AJM1: variants seen among roughly 807,000 people sequenced by gnomAD.
AJM1 encodes the protein apical junction component 1 homolog.
Under a neutral mutation model 43.0 loss-of-function variants are expected in AJM1, and 22 were observed. The observed-to-expected ratio is 0.51, with a 90% CI of 0.37 to 0.73. The LOEUF (loss-of-function observed/expected upper bound fraction) is 0.73. Among genes scored for constraint, AJM1 ranks in the 30% least tolerant of loss-of-function variants. The probability of loss-of-function intolerance (pLI) is 0.00; values close to 1 mark genes in which losing one functional copy is unlikely to be tolerated. For synonymous variants in AJM1, 719 were observed against 638.3 expected (o/e 1.13, Z -1.91); for missense variants, 1,305 against 1,343.3 (o/e 0.97, Z 0.45).
rs111789430 is a variant in AJM1 at position 136,847,785 on chromosome 9, G to T, written c.*440G>T. 5.9e-3 allele frequency: 971 copies of T among 163,394 alleles called. 11 individuals are homozygous for T. The highest frequency in any genetic ancestry group is 0.022 in the African/African-American group (920 of 42,084). The allele number at this position is 163,394 out of a possible 1,614,324, so 10.1% of individuals were successfully genotyped here. On this transcript the variant is annotated 3_prime_UTR_variant, in exon 3 of 3. Transcript: ENST00000436881. ...CCCCACCCGTAGAGATCCGGTCCCCGTCGGTCCGCGGGGCTCTCGCTGGAG... is the reference window on the plus strand; with the variant it reads ...CCCCACCCGTAGAGATCCGGTCCCCTTCGGTCCGCGGGGCTCTCGCTGGAG...
Position 136,847,343 on chromosome 9 carries a change from T to C in AJM1, c.2929T>C (p.Ter977ArgextTer46). 6.6e-7 allele frequency: 1 copy of C among 1,511,824 alleles called. No individual in the cohort carries two copies. The highest frequency in any genetic ancestry group is 1.2e-5 in the South Asian group (1 of 81,698). 93.7% of individuals were successfully genotyped at this position (1,511,824 alleles called of 1,614,324 possible). A position where few individuals can be genotyped will look rare whatever the true frequency, so the allele number is the denominator to read the frequency against. ...ASANLLDDIM[*>R] ...CGCCAACCTGCTGGACGACATCATGTGAGGCGCCGGGCCCACCAGGCCTAG... is the reference window on the plus strand; with the variant it reads ...CGCCAACCTGCTGGACGACATCATGCGAGGCGCCGGGCCCACCAGGCCTAG... The change falls in exon 3 of 3, where the codon TGA becomes CGA. Residue 977 changes from the stop codon to arginine, a stop_lost. Coordinates refer to ENST00000436881, the MANE Select transcript of AJM1 (RefSeq NM_001080482.5).
At chr9:136,843,272 C>T (rs1366891408) in intron 1 of AJM1, among the ~76,000 whole-genome samples, 1 of 152,232 alleles carries the variant, frequency 6.6e-6, no homozygotes, top group Admixed American at 6.5e-5. Flanking sequence ...CACTCTCTGA[C>T]GCACCCCCCA....
At position 136,846,438 on chromosome 9, in the gene AJM1, C is replaced by T; in HGVS notation, c.2024C>T (p.Thr675Ile). The change falls in exon 3 of 3, where the codon ACC (threonine) becomes ATC (isoleucine). Residue 675 changes from threonine to isoleucine, a missense_variant. Transcript: ENST00000436881. ...AATGCGCGCTGCCGGCGCACCGAGACCATGTTCAACGCCTGCCTCTACTTC... is the reference window on the plus strand; with the variant it reads ...AATGCGCGCTGCCGGCGCACCGAGATCATGTTCAACGCCTGCCTCTACTTC... ...CSNARCRRTE[T>I]MFNACLYFKS... 6.3e-7 allele frequency: 1 copy of T among 1,593,260 alleles called. No individual in the cohort carries two copies.
Position 136,845,086 on chromosome 9 carries a change from C to T in AJM1, c.672C>T (p.Gly224=). Residue 224 remains glycine, a synonymous_variant, in exon 3 of 3, where the codon GGC becomes GGT. Coordinates refer to ENST00000436881, the MANE Select transcript of AJM1 (RefSeq NM_001080482.5). The part of the protein sequence containing the change: ...HWARPAPQFH[G]LTVPGPRHMA... ...CCCGCCCCGCCCCGCAGTTCCACGG[C>T]CTCACGGTGCCCGGGCCCCGCCACA... 1 of 1,273,482 alleles carries T rather than the reference C, an allele frequency of 7.9e-7. No homozygotes were observed. Among genetic ancestry groups the T allele is most frequent in the African/African-American group, 1.5e-5 (1 of 68,638 alleles). 78.9% of individuals were successfully genotyped at this position (1,273,482 alleles called of 1,614,324 possible).
chr9:136,842,740 C>A (rs1848719753), intron 1 of AJM1, among the ~76,000 whole-genome samples, 151 bp downstream of exon 1: 1 of 152,150 alleles, frequency 6.6e-6, no homozygotes. Context: ...CAAGGCAAGG[C>A]AAGGCAGGGC....
chr9:136,846,436 G>A lies in AJM1; in HGVS notation c.2022G>A (p.Glu674=). The A allele has an allele frequency of 6.3e-7, 1 of 1,593,416 alleles. No homozygotes were observed. Among genetic ancestry groups the A allele is most frequent in the Non-Finnish European group, 8.5e-7 (1 of 1,178,150 alleles). The part of the protein sequence containing the change: ...TCSNARCRRT[E]TMFNACLYFK... Reference sequence around the variant, plus strand: ...CCAATGCGCGCTGCCGGCGCACCGAGACCATGTTCAACGCCTGCCTCTACT... The same window carrying A: ...CCAATGCGCGCTGCCGGCGCACCGAAACCATGTTCAACGCCTGCCTCTACT... The change falls in exon 3 of 3, where the codon GAG becomes GAA. Residue 674 remains glutamate, a synonymous_variant. Transcript: ENST00000436881.
Position 136,847,088 on chromosome 9 carries a change from C to A in AJM1, c.2674C>A (p.Arg892=). The change falls in exon 3 of 3, where the codon CGG becomes AGG. Residue 892 remains arginine, a synonymous_variant. Transcript: ENST00000436881. ...AGLDQDGEAG[R]RAREVAFIHI... Reference sequence around the variant, plus strand: ...CCTGGATCAGGACGGCGAGGCGGGCCGGCGCGCGCGCGAGGTGGCCTTCAT... The same window carrying A: ...CCTGGATCAGGACGGCGAGGCGGGCAGGCGCGCGCGCGAGGTGGCCTTCAT... 3.4e-6 allele frequency: 5 copies of A among 1,486,496 alleles called. No homozygotes were observed. The highest frequency in any genetic ancestry group is 4.5e-6 in the Non-Finnish European group (5 of 1,111,430). 92.1% of individuals were successfully genotyped at this position (1,486,496 alleles called of 1,614,324 possible). A position where few individuals can be genotyped will look rare whatever the true frequency, so the allele number is the denominator to read the frequency against.
chr9:136,847,061 G>A lies in AJM1; in HGVS notation c.2647G>A (p.Gly883Ser). 1 of 1,414,418 alleles carries A rather than the reference G, an allele frequency of 7.1e-7. No homozygotes were observed. Among genetic ancestry groups the A allele is most frequent in the Non-Finnish European group, 9.5e-7 (1 of 1,058,022 alleles). The allele number at this position is 1,414,418 out of a possible 1,614,324, so 87.6% of individuals were successfully genotyped here. The change falls in exon 3 of 3, where the codon GGC (glycine) becomes AGC (serine). Residue 883 changes from glycine to serine, a missense_variant. By Grantham distance (56) the Gly-to-Ser change is moderately conservative. This residue lies in a region of AJM1 where 391 missense variants were observed against 507.5 expected (regional missense o/e 0.77). Coordinates refer to ENST00000436881, the MANE Select transcript of AJM1 (RefSeq NM_001080482.5). ...CCTGACGCCACCGCCGGGCACGGCGGGCCTGGATCAGGACGGCGAGGCGGG... is the reference window on the plus strand; with the variant it reads ...CCTGACGCCACCGCCGGGCACGGCGAGCCTGGATCAGGACGGCGAGGCGGG... ...LILTPPPGTA[G>S]LDQDGEAGRR...
At position 136,846,822 on chromosome 9, in the gene AJM1, G is replaced by C; in HGVS notation, c.2408G>C (p.Gly803Ala). The part of the protein sequence containing the change: ...GSYARELAAA[G>A]RLYEPAECFL... Reference sequence around the variant, plus strand: ...TACGCGCGCGAGCTGGCGGCCGCTGGGCGCCTCTACGAACCGGCAGAGTGC... The same window carrying C: ...TACGCGCGCGAGCTGGCGGCCGCTGCGCGCCTCTACGAACCGGCAGAGTGC... Residue 803 changes from glycine (G) to alanine (A), a missense_variant, in exon 3 of 3, where the codon GGG (glycine) becomes GCG (alanine). This residue lies in a region of AJM1 where 391 missense variants were observed against 507.5 expected (regional missense o/e 0.77). Coordinates refer to ENST00000436881, the MANE Select transcript of AJM1 (RefSeq NM_001080482.5). The C allele has an allele frequency of 6.3e-7, 1 of 1,590,184 alleles. No individual in the cohort carries two copies. The highest frequency in any genetic ancestry group is 2.3e-5 in the East Asian group (1 of 44,154).
chr9:136,847,531 A>G lies in AJM1; in HGVS notation c.*186A>G. The stretch of plus-strand genomic sequence containing the variant: ...CTCAGTTCGGCCTCCAGCTCCGCCC[A>G]GGCCCCCACCCCCCGGCCCTTCGTC... On this transcript the variant is annotated 3_prime_UTR_variant, in exon 3 of 3. Transcript: ENST00000436881. The G allele has an allele frequency of 2.0e-6, 1 of 488,884 alleles. No individual in the cohort carries two copies. The highest frequency in any genetic ancestry group is 3.4e-6 in the Non-Finnish European group (1 of 290,264). The allele number at this position is 488,884 out of a possible 1,614,324, so 30.3% of individuals were successfully genotyped here.
chr9:136,844,263 C>T lies in AJM1; in HGVS notation c.-76C>T, dbSNP rs551948808. Reference sequence around the variant, plus strand: ...CCCAGGCCCGCAGCCAGGGCTGCTCCGCCCGCTGCGCCCCAGGTAAGCCGG... The same window carrying T: ...CCCAGGCCCGCAGCCAGGGCTGCTCTGCCCGCTGCGCCCCAGGTAAGCCGG... On this transcript the variant is annotated 5_prime_UTR_variant, in exon 2 of 3. Transcript: ENST00000436881. 8.5e-5 allele frequency among the ~76,000 whole-genome samples: 13 copies of T among 152,334 alleles called. No homozygotes were observed. In the South Asian group the frequency reaches 2.1e-3, roughly 24 times the overall value.
In AJM1 at chr9:136,847,253, G is replaced by T. The variant is rs1406521464; in HGVS notation, c.2839G>T (p.Gly947Cys). ...CATCTACCCCACGGACCGGCGCACC[G>T]GCCGCCCCTTCATGTGCATGATCAT... ...TTIYPTDRRTGRPFMCMIMAA... is the reference protein window; with the variant it reads ...TTIYPTDRRTCRPFMCMIMAA... The change falls in exon 3 of 3, where the codon GGC becomes TGC. Residue 947 changes from glycine to cysteine, a missense_variant. Gly to Cys is a radical substitution (Grantham distance 159). This residue lies in a region of AJM1 where 116 missense variants were observed against 113.4 expected (regional missense o/e 1.02). Coordinates refer to ENST00000436881, the MANE Select transcript of AJM1 (RefSeq NM_001080482.5). 1.9e-6 allele frequency: 3 copies of T among 1,599,866 alleles called. No homozygotes were observed. Among genetic ancestry groups the T allele is most frequent in the African/African-American group, 1.3e-5 (1 of 74,420 alleles).
Position 136,847,481 on chromosome 9 carries a change from T to C in AJM1, c.*136T>C. On this transcript the variant is annotated 3_prime_UTR_variant, in exon 3 of 3. Coordinates refer to ENST00000436881, the MANE Select transcript of AJM1 (RefSeq NM_001080482.5). ...CCCGACTTCTTCTAGGCCCCGCCTC[T>C]AATTCCCCAGCCTTCCAAGCTCCGC... 1.5e-6 allele frequency: 1 copy of C among 657,470 alleles called. No homozygotes were observed. 40.7% of individuals were successfully genotyped at this position (657,470 alleles called of 1,614,324 possible).
At position 136,846,662 on chromosome 9, in the gene AJM1, G is replaced by A; in HGVS notation, c.2248G>A (p.Gly750Ser). 6.2e-7 allele frequency: 1 copy of A among 1,600,412 alleles called. No homozygotes were observed. The change falls in exon 3 of 3, where the codon GGC (glycine) becomes AGC (serine). Residue 750 changes from glycine to serine, a missense_variant. Coordinates refer to ENST00000436881, the MANE Select transcript of AJM1 (RefSeq NM_001080482.5). ...TGTCGGCTTCCTGTCGCGCGGCCGC[G>A]GCGTGCTCTTCCTGGGCTTCCCAAG... is the stretch of plus-strand genomic sequence containing the variant. ...ARVGFLSRGR[G>S]VLFLGFPSPG... is the part of the protein sequence containing the mutation.
Position 136,847,397 on chromosome 9 carries a change from C to G in AJM1, c.*52C>G. 1.5e-6 allele frequency: 2 copies of G among 1,349,080 alleles called. No homozygotes were observed. The highest frequency in any genetic ancestry group is 1.9e-6 in the Non-Finnish European group (2 of 1,037,554). 83.6% of individuals were successfully genotyped at this position (1,349,080 alleles called of 1,614,324 possible). A position where few individuals can be genotyped will look rare whatever the true frequency, so the allele number is the denominator to read the frequency against. On this transcript the variant is annotated 3_prime_UTR_variant, in exon 3 of 3. Transcript: ENST00000436881. ...AGGCGCTGGCCCGAACCCTGCCCTG[C>G]CCACTCAGGCCCCGCCCGGCCCACC...
At position 136,846,522 on chromosome 9, in the gene AJM1, G is replaced by A; in HGVS notation, c.2108G>A (p.Trp703Ter). 1 of 1,595,212 alleles carries A rather than the reference G, an allele frequency of 6.3e-7. No homozygotes were observed. Among genetic ancestry groups the A allele is most frequent in the South Asian group, 1.1e-5 (1 of 90,916 alleles). ...YCSRLCRRED[W>*]DAHKARCVYG... ...TCGCGCCTGTGCCGCCGCGAGGACT[G>A]GGACGCCCACAAGGCGCGCTGCGTG... The change falls in exon 3 of 3, where the codon TGG becomes TAG. Residue 703 changes from tryptophan (W) to a stop codon, truncating the protein, a stop_gained. Coordinates refer to ENST00000436881, the MANE Select transcript of AJM1 (RefSeq NM_001080482.5). LOFTEE classifies it high-confidence loss of function.
At position 136,848,225 on chromosome 9, in the gene AJM1, G is replaced by A. The variant is rs1848808526; in HGVS notation, c.*880G>A. ...GCTGACACCTGGCTAGGAGAGGAAGGACCAAGGGACGGGGCGTTCCCAGGT... is the reference window on the plus strand; with the variant it reads ...GCTGACACCTGGCTAGGAGAGGAAGAACCAAGGGACGGGGCGTTCCCAGGT... On this transcript the variant is annotated 3_prime_UTR_variant, in exon 3 of 3. Transcript: ENST00000436881. 6.6e-6 allele frequency: 1 copy of A among 152,660 alleles called. No homozygotes were observed. Among genetic ancestry groups the A allele is most frequent in the Non-Finnish European group, 1.5e-5 (1 of 68,330 alleles). The allele number at this position is 152,660 out of a possible 1,614,324, so 9.5% of individuals were successfully genotyped here.
At position 136,845,587 on chromosome 9, in the gene AJM1, G is replaced by A. The variant is rs1487837857; in HGVS notation, c.1173G>A (p.Thr391=). The change falls in exon 3 of 3, where the codon ACG becomes ACA. Residue 391 remains threonine (T), a synonymous_variant. Transcript: ENST00000436881. The stretch of plus-strand genomic sequence containing the variant: ...GCGAGCGTGACGTCCTGGCTCGGAC[G>A]TACCCGCACCCGCGCAGCAGCCCGG... ...RYRERDVLAR[T]YPHPRSSPAW... 7 of 1,587,000 alleles carry A rather than the reference G, an allele frequency of 4.4e-6. No homozygotes were observed. The highest frequency in any genetic ancestry group is 2.3e-5 in the East Asian group (1 of 43,678).
chr9:136,845,098 C>A lies in AJM1; in HGVS notation c.684C>A (p.Pro228=). The A allele has an allele frequency of 7.2e-7, 1 of 1,396,902 alleles. No homozygotes were observed. Among genetic ancestry groups the A allele is most frequent in the South Asian group, 1.2e-5 (1 of 84,948 alleles). 86.5% of individuals were successfully genotyped at this position (1,396,902 alleles called of 1,614,324 possible). The change falls in exon 3 of 3, where the codon CCC becomes CCA. Residue 228 remains proline (P), a synonymous_variant. Coordinates refer to ENST00000436881, the MANE Select transcript of AJM1 (RefSeq NM_001080482.5). Reference sequence around the variant, plus strand: ...CGCAGTTCCACGGCCTCACGGTGCCCGGGCCCCGCCACATGGCGCTGTCGC... The same window carrying A: ...CGCAGTTCCACGGCCTCACGGTGCCAGGGCCCCGCCACATGGCGCTGTCGC... ...PAPQFHGLTV[P]GPRHMALSRT...
Sources: allele counts gnomAD v4.1 joint callset (sites outside exome capture counted in the v4.1 genomes callset), GRCh38; gene constraint gnomAD v4.1.1; regional missense constraint gnomAD v4.1.1; transcripts MANE v1.5; gene names NCBI Gene and HGNC (gene_info 2026-07-23, HGNC 2026-07-21).